ZSWIM5: variants seen among roughly 807,000 people sequenced by gnomAD.
ZSWIM5 encodes the protein zinc finger SWIM domain-containing protein 5.
Under a neutral mutation model 119.6 loss-of-function variants are expected in ZSWIM5, and 55 were observed. The observed-to-expected ratio is 0.46, with a 90% CI of 0.37 to 0.58. The LOEUF (loss-of-function observed/expected upper bound fraction) is 0.58, where lower values mean the gene tolerates loss of function less well. Ranked by LOEUF, ZSWIM5 falls within the 20% of genes least tolerant of loss-of-function variation. The pLI, the probability that ZSWIM5 is intolerant of heterozygous loss-of-function variation, is 0.00. For missense variants in ZSWIM5, 1,193 were observed against 1,512.8 expected (o/e 0.79, Z 3.51); for synonymous variants, 537 against 606.9 (o/e 0.88, Z 1.69).
At chr1:45,143,657 T>A (rs928500390) in intron 1 of ZSWIM5, among the ~76,000 whole-genome samples, 1 of 152,038 alleles carries the variant, frequency 6.6e-6, no homozygotes, top group Non-Finnish European at 1.5e-5. Flanking sequence ...GTACTGAAAA[T>A]CTTAGCTGGT....
intron 11 of ZSWIM5, among the ~76,000 whole-genome samples, chr1:45,024,018 G>C (rs531192689): frequency 6.6e-6 from 1 of 152,052 alleles, no homozygotes; most frequent in Non-Finnish European, 1.5e-5. Flanking sequence ...CTTTGGTGAG[G>C]TGTCTCTCCA....
intron 1 of ZSWIM5, among the ~76,000 whole-genome samples, chr1:45,160,657 C>CTTT (rs35617888): frequency 1.4e-5 from 2 of 142,724 alleles, no homozygotes; most frequent in Non-Finnish European, 3.1e-5. Flanking sequence ...ATATGTACCA[C>CTTT]TTTTTTTTTT....
At chr1:45,106,606 C>T (rs1225756538) in intron 1 of ZSWIM5, among the ~76,000 whole-genome samples, 2 of 149,368 alleles carry the variant, frequency 1.3e-5, no homozygotes, top group East Asian at 4.0e-4. Context: ...CTCTGCCCGG[C>T]CGCCCCGTCT....
At chr1:45,127,270 T>A (rs1645627024) in intron 1 of ZSWIM5, among the ~76,000 whole-genome samples, 1 of 152,040 alleles carries the variant, frequency 6.6e-6, no homozygotes, top group African/African-American at 2.4e-5. Flanking sequence ...CACCCAATAA[T>A]CATATAATCA....
chr1:45,206,587 C>A lies in ZSWIM5; in HGVS notation c.-237G>T. On this transcript the variant is annotated 5_prime_UTR_variant, in exon 1 of 14. Transcript: ENST00000359600. Reference sequence around the variant, plus strand: ...CGTGAGGCGGCGCGCGGTGTCCTGGCCGCCGCGGACGCGAAGACAGGCGGG... The same window carrying A: ...CGTGAGGCGGCGCGCGGTGTCCTGGACGCCGCGGACGCGAAGACAGGCGGG... The A allele has an allele frequency of 1.0e-6, 1 of 964,818 alleles. No individual in the cohort carries two copies. Among genetic ancestry groups the A allele is most frequent in the Admixed American group, 6.1e-5 (1 of 16,398 alleles). The allele number at this position is 964,818 out of a possible 1,614,324, so 59.8% of individuals were successfully genotyped here. A position where few individuals can be genotyped will look rare whatever the true frequency, so the allele number is the denominator to read the frequency against.
intron 10 of ZSWIM5, among the ~76,000 whole-genome samples, chr1:45,035,078 G>A (rs969707117): frequency 2.5e-4 from 38 of 152,124 alleles, no homozygotes; most frequent in Non-Finnish European, 4.6e-4. Context: ...TTGAGCCACC[G>A]TACCCAGCCT....
chr1:45,032,774 ACCGTGCCTGG>A (rs1339069047), intron 11 of ZSWIM5, among the ~76,000 whole-genome samples: 1 of 149,154 alleles, frequency 6.7e-6, no homozygotes, highest in Non-Finnish European at 1.5e-5. Flanking sequence ...GGTGTGAGCC[ACCGTGCCTGG>A]CCTGATAATT....
chr1:45,066,599 G>A (rs1449917459), intron 2 of ZSWIM5, among the ~76,000 whole-genome samples: 1 of 152,160 alleles, frequency 6.6e-6, no homozygotes, highest in Non-Finnish European at 1.5e-5. Flanking sequence ...TAATAAGGGA[G>A]GGAGGATAGA....
chr1:45,134,187 T>C (rs1161328294), intron 1 of ZSWIM5, among the ~76,000 whole-genome samples: 1 of 152,186 alleles, frequency 6.6e-6, no homozygotes, highest in East Asian at 1.9e-4. Context: ...ATTGAATCTA[T>C]AAATTACCTT....
At chr1:45,043,143 C>G in intron 6 of ZSWIM5, 76 bp downstream of exon 6, 2 of 1,413,344 alleles carry the variant, frequency 1.4e-6, no homozygotes, top group Admixed American at 1.8e-5. Context: ...GTTGCAGGTA[C>G]GTATGAAGAT....
intron 1 of ZSWIM5, among the ~76,000 whole-genome samples, chr1:45,198,185 G>T (rs984491983): frequency 6.6e-6 from 1 of 152,182 alleles, no homozygotes; most frequent in Admixed American, 6.5e-5. Context: ...CACTTGACAG[G>T]TGCCAAAACC....
intron 1 of ZSWIM5, among the ~76,000 whole-genome samples, chr1:45,105,277 G>T (rs1645463267): frequency 6.6e-6 from 1 of 152,212 alleles, no homozygotes; most frequent in Non-Finnish European, 1.5e-5. Context: ...CTGGAGTGCA[G>T]TGGCATGATC....
intron 1 of ZSWIM5, among the ~76,000 whole-genome samples, chr1:45,111,367 C>T (rs1645516647): frequency 6.6e-6 from 1 of 152,140 alleles, no homozygotes; most frequent in South Asian, 2.1e-4. Flanking sequence ...TACATAGAAA[C>T]AAAACAGCAG....
chr1:45,032,642 C>T (rs1308946744), intron 11 of ZSWIM5, among the ~76,000 whole-genome samples: 1 of 151,802 alleles, frequency 6.6e-6, no homozygotes, highest in Non-Finnish European at 1.5e-5. Flanking sequence ...TGCACTACCA[C>T]GCCCAGCTAA....
chr1:45,029,430 T>G (rs1321341928), intron 11 of ZSWIM5, among the ~76,000 whole-genome samples: 1 of 152,252 alleles, frequency 6.6e-6, no homozygotes, highest in Non-Finnish European at 1.5e-5. Flanking sequence ...TGCTGAGTTC[T>G]TATTGTTTCC....
In ZSWIM5 at chr1:45,103,056, A is replaced by C. The variant is rs942976567; in HGVS notation, c.596-14819T>G. 2.0e-5 allele frequency among the ~76,000 whole-genome samples: 3 copies of C among 151,780 alleles called. No individual in the cohort carries two copies. In the South Asian group the frequency reaches 6.3e-4, roughly 32 times the overall value. ...TATTATTTTTTTAATGTTTGTAGAG[A>C]TGAGTCTTGCTATATTGCCTAGGCT... On this transcript the variant is annotated intron_variant, in intron 1 of 13. Transcript: ENST00000359600.
At position 45,036,048 on chromosome 1, in the gene ZSWIM5, G is replaced by A; in HGVS notation, c.2146C>T (p.Leu716=). 2 of 1,613,868 alleles carry A rather than the reference G, an allele frequency of 1.2e-6. No homozygotes were observed. Among genetic ancestry groups the A allele is most frequent in the Non-Finnish European group, 1.7e-6 (2 of 1,179,830 alleles). The part of the protein sequence containing the change: ...VQTLQKQCIL[L]LEGGPFSGLG... ...ACTCTTTTCTACTTACCTTCCAGCAGTAAGATGCATTGTTTTTGCAGTGTT... is the reference window on the plus strand; with the variant it reads ...ACTCTTTTCTACTTACCTTCCAGCAATAAGATGCATTGTTTTTGCAGTGTT... Residue 716 remains leucine (L), a synonymous_variant, in exon 9 of 14, where the codon CTG becomes TTG. Transcript: ENST00000359600.
chr1:45,203,915 A>T (rs908325044), intron 1 of ZSWIM5, among the ~76,000 whole-genome samples: 5 of 152,072 alleles, frequency 3.3e-5, no homozygotes, highest in Non-Finnish European at 5.9e-5. Context: ...ATCAGAAAAC[A>T]TGTTTGTTTA....
chr1:45,039,291 G>A (rs913755230), intron 7 of ZSWIM5, among the ~76,000 whole-genome samples: 7 of 152,192 alleles, frequency 4.6e-5, no homozygotes, highest in South Asian at 2.1e-4. Context: ...TAGTGCATAC[G>A]TGGATAGAGC....
Sources: gnomAD v4.1 joint callset for allele counts (sites outside exome capture counted in the v4.1 genomes callset) on GRCh38, gnomAD v4.1.1 for gene constraint, MANE v1.5 for transcripts, NCBI Gene and HGNC (gene_info 2026-07-23, HGNC 2026-07-21) for gene names.